The following AUTS2 variants were observed in gnomAD, a reference collection of about 807,000 sequenced individuals.
The protein encoded by AUTS2 is autism susceptibility gene 2 protein.
Under a neutral mutation model 112.4 loss-of-function variants are expected in AUTS2, and 17 were observed. The ratio of observed to expected loss-of-function variants is 0.15; its 90% CI spans 0.10 to 0.23. The LOEUF (loss-of-function observed/expected upper bound fraction) is 0.23, where lower values mean the gene tolerates loss of function less well. Among genes scored for constraint, AUTS2 ranks in the 10% least tolerant of loss-of-function variants. The pLI is 1.00. For missense variants in AUTS2, 1,510 were observed against 1,701.6 expected, an observed-to-expected ratio of 0.89 and a Z score of 1.98; for synonymous variants, 751 against 702.7, an observed-to-expected ratio of 1.07 and a Z score of -1.09.
chr7:70,785,937 TC>T lies in AUTS2; in HGVS notation c.2225-14del. 6 of 1,613,042 alleles carry T rather than the reference TC, an allele frequency of 3.7e-6. No individual in the cohort carries two copies. The highest frequency in any genetic ancestry group is 5.1e-6 in the Non-Finnish European group (6 of 1,179,528). ...GCAGAGCCCCTGACCATTTCCTTCT[TC>T]CCCATCTTGTTTGCAGAGCCTTTTA... is the stretch of plus-strand genomic sequence containing the variant. On this transcript the variant is annotated splice_polypyrimidine_tract_variant and intron_variant, in intron 16 of 18. Coordinates refer to ENST00000342771, the MANE Select transcript of AUTS2 (RefSeq NM_015570.4).
intron 4 of AUTS2, among the ~76,000 whole-genome samples, chr7:70,261,003 T>A (rs1243629269): frequency 6.6e-6 from 1 of 152,098 alleles, no homozygotes; most frequent in Non-Finnish European, 1.5e-5. Flanking sequence ...CGCCTCGGGC[T>A]CCCAAAGTGC....
intron 5 of AUTS2, among the ~76,000 whole-genome samples, chr7:70,579,047 G>A (rs1802306222): frequency 6.7e-6 from 1 of 149,706 alleles, no homozygotes; most frequent in Admixed American, 6.7e-5. Context: ...TCCCACCTCA[G>A]CCTCTCGAAT....
At chr7:70,733,196 G>A (rs1787541238) in intron 6 of AUTS2, among the ~76,000 whole-genome samples, 1 of 152,110 alleles carries the variant, frequency 6.6e-6, no homozygotes, top group Non-Finnish European at 1.5e-5. Flanking sequence ...GGGGATGGAG[G>A]AAAATCTCTA....
intron 5 of AUTS2, among the ~76,000 whole-genome samples, chr7:70,569,140 T>C (rs1385853468): frequency 6.6e-6 from 1 of 152,184 alleles, no homozygotes; most frequent in Non-Finnish European, 1.5e-5. Context: ...ATAATAGATA[T>C]CAAATGGAGA....
chr7:69,763,275 G>A (rs999794567), intron 1 of AUTS2, among the ~76,000 whole-genome samples: 13 of 152,140 alleles, frequency 8.5e-5, no homozygotes, highest in Admixed American at 2.6e-4. Flanking sequence ...TCAATGATGC[G>A]TTGAGGATGA....
chr7:70,710,976 G>A (rs948120356), intron 6 of AUTS2, among the ~76,000 whole-genome samples: 5 of 152,224 alleles, frequency 3.3e-5, no homozygotes, highest in Non-Finnish European at 2.9e-5. Context: ...ACCCCCATGG[G>A]AAGAGGAACT....
At chr7:70,541,315 C>T (rs932965962) in intron 5 of AUTS2, among the ~76,000 whole-genome samples, 3 of 152,120 alleles carry the variant, frequency 2.0e-5, no homozygotes, top group African/African-American at 7.2e-5. Context: ...TGACAGAGAC[C>T]CATGCCACCT....
intron 1 of AUTS2, among the ~76,000 whole-genome samples, chr7:69,800,851 C>G (rs557991363): frequency 6.6e-6 from 1 of 152,178 alleles, no homozygotes; most frequent in Non-Finnish European, 1.5e-5. Context: ...TCCAAGCCCT[C>G]CCATTTATTT....
intron 4 of AUTS2, among the ~76,000 whole-genome samples, chr7:70,332,611 G>C (rs558362137): frequency 9.7e-4 from 147 of 151,974 alleles, no homozygotes; most frequent in Non-Finnish European, 1.7e-3. Context: ...GTACCAAAAC[G>C]TAGATATAGA....
chr7:70,669,485 A>C (rs1807525582), intron 5 of AUTS2, among the ~76,000 whole-genome samples: 1 of 152,214 alleles, frequency 6.6e-6, no homozygotes, highest in African/African-American at 2.4e-5. Flanking sequence ...TTTAGAGCAG[A>C]AAGGGACTTC....
At chr7:69,981,389 G>A (rs1398531927) in intron 2 of AUTS2, among the ~76,000 whole-genome samples, 2 of 152,120 alleles carry the variant, frequency 1.3e-5, no homozygotes, top group Non-Finnish European at 2.9e-5. Flanking sequence ...GAGAAGGTAG[G>A]ATGTATGTCA....
chr7:70,278,492 A>G (rs1788044883), intron 4 of AUTS2, among the ~76,000 whole-genome samples: 1 of 152,100 alleles, frequency 6.6e-6, no homozygotes, highest in South Asian at 2.1e-4. Flanking sequence ...CTGAGGTGGG[A>G]GGCTTGAGCC....
At chr7:69,990,036 T>C (rs1165462749) in intron 2 of AUTS2, among the ~76,000 whole-genome samples, 1 of 152,182 alleles carries the variant, frequency 6.6e-6, no homozygotes, top group Non-Finnish European at 1.5e-5. Context: ...CGGTGCCTGA[T>C]GCCAAAATGG....
At chr7:70,557,132 T>C (rs950103573) in intron 5 of AUTS2, among the ~76,000 whole-genome samples, 16 of 152,184 alleles carry the variant, frequency 1.1e-4, no homozygotes, top group East Asian at 1.9e-4. Flanking sequence ...GTAAGTCTAA[T>C]TGGATGCATA....
chr7:69,808,068 C>T (rs531872946), intron 1 of AUTS2, among the ~76,000 whole-genome samples: 1 of 151,422 alleles, frequency 6.6e-6, no homozygotes, highest in South Asian at 2.1e-4. Flanking sequence ...GCTGGGACTA[C>T]AGGCTTGCAC....
rs138465812 is a variant in AUTS2, at chr7:70,744,815, C to T, written c.743-18055C>T. Reference sequence around the variant, plus strand: ...TCTTCAGAATACTGCTTTCCTCCCACGGGAGGAGCTTGTACCTCTCTCATG... The same window carrying T: ...TCTTCAGAATACTGCTTTCCTCCCATGGGAGGAGCTTGTACCTCTCTCATG... On this transcript the variant is annotated intron_variant, in intron 6 of 18. Coordinates refer to ENST00000342771, the MANE Select transcript of AUTS2 (RefSeq NM_015570.4). Among the ~76,000 whole-genome samples the T allele has an allele frequency of 1.6e-4, 24 of 152,238 alleles. No individual in the cohort carries two copies. In the East Asian group the frequency reaches 2.3e-3, roughly 15 times the overall value.
rs181357176 is a variant in AUTS2 at position 70,504,062 on chromosome 7, C to T, written c.690+68281C>T. ...TCATTAATAAGTCATGAATTGTAAG[C>T]TTGGGTGTGAAAATCTTTATAATAC... On this transcript the variant is annotated intron_variant, in intron 5 of 18. Coordinates refer to ENST00000342771, the MANE Select transcript of AUTS2 (RefSeq NM_015570.4). Among the ~76,000 whole-genome samples the T allele has an allele frequency of 7.3e-5, 11 of 151,524 alleles. 1 individual carries two copies. The highest frequency in any genetic ancestry group is 6.8e-3 in the Middle Eastern group (2 of 294).
intron 2 of AUTS2, among the ~76,000 whole-genome samples, chr7:70,004,784 G>A (rs530653121): frequency 2.0e-5 from 3 of 151,230 alleles, no homozygotes; most frequent in South Asian, 2.1e-4. Context: ...TAACAACAGC[G>A]TGGAGTCTAC....
chr7:70,600,586 A>T (rs947094947), intron 5 of AUTS2, among the ~76,000 whole-genome samples: 5 of 152,106 alleles, frequency 3.3e-5, no homozygotes, highest in Non-Finnish European at 7.4e-5. Flanking sequence ...CAATTCAGTA[A>T]TTTTTAGTAT....
Sources: allele counts gnomAD v4.1 joint callset (sites outside exome capture counted in the v4.1 genomes callset), GRCh38; gene constraint gnomAD v4.1.1; transcripts MANE v1.5; gene names NCBI Gene and HGNC (gene_info 2026-07-23, HGNC 2026-07-21).